Variants in CUL1 observed in about 807,000 individuals in gnomAD.
The protein encoded by CUL1 is cullin 1.
Under a neutral mutation model 118.0 loss-of-function variants are expected in CUL1, and 24 were observed. That is an observed-to-expected ratio of 0.20 (90% CI 0.15 to 0.29). The LOEUF (loss-of-function observed/expected upper bound fraction) is 0.29. Among genes scored for constraint, CUL1 ranks in the 10% least tolerant of loss-of-function variants. The pLI is 1.00. For missense variants in CUL1, 361 were observed against 933.8 expected, an observed-to-expected ratio of 0.39 and a Z score of 7.99; for synonymous variants, 332 against 340.4, an observed-to-expected ratio of 0.98 and a Z score of 0.27.
chr7:148,752,734 C>T (rs950522553), intron 2 of CUL1, among the ~76,000 whole-genome samples: 9 of 152,230 alleles, frequency 5.9e-5, no homozygotes, highest in Admixed American at 3.9e-4. Flanking sequence ...CTGCAAGCTC[C>T]GCCTCCCGGG....
intron 1 of CUL1, among the ~76,000 whole-genome samples, chr7:148,699,886 G>C (rs1379121666): frequency 6.6e-6 from 1 of 152,134 alleles, no homozygotes; most frequent in Non-Finnish European, 1.5e-5. Flanking sequence ...CTGGGACTTG[G>C]GGTCCCCAGA....
rs370740035 is a variant in CUL1, at chr7:148,759,409, G to A, written c.534+55G>A. The A allele has an allele frequency of 9.1e-4, 1,439 of 1,582,076 alleles. 2 individuals carry two copies. The highest frequency in any genetic ancestry group is 1.1e-3 in the Non-Finnish European group (1,324 of 1,152,198). ...CCTTTTAAAATCCCTTCGCAGTTTC[G>A]TTGCTTAGCTTTTGTCTCGTCACTC... is the stretch of plus-strand genomic sequence containing the variant. On this transcript the variant is annotated intron_variant, in intron 5 of 21. Transcript: ENST00000325222.
intron 9 of CUL1, among the ~76,000 whole-genome samples, chr7:148,782,821 C>T (rs537669844): frequency 6.3e-5 from 9 of 142,450 alleles, no homozygotes; most frequent in East Asian, 2.1e-4. Flanking sequence ...ATTAATGTAT[C>T]GTGATGTGGA....
intron 17 of CUL1, among the ~76,000 whole-genome samples, chr7:148,796,446 C>T (rs1383596101): frequency 2.0e-5 from 3 of 152,136 alleles, no homozygotes; most frequent in African/African-American, 4.8e-5. Context: ...GTTTGGTTTT[C>T]GTGTCTGGCT....
intron 1 of CUL1, among the ~76,000 whole-genome samples, chr7:148,702,512 A>G (rs1797751986): frequency 1.3e-5 from 2 of 152,262 alleles, no homozygotes; most frequent in Admixed American, 1.3e-4. Flanking sequence ...CTTAAAGAAC[A>G]TTAAGTATTG....
intron 9 of CUL1, among the ~76,000 whole-genome samples, chr7:148,773,975 T>C (rs1800311802): frequency 6.6e-6 from 1 of 152,202 alleles, no homozygotes; most frequent in Non-Finnish European, 1.5e-5. Flanking sequence ...CTTATCAGTA[T>C]ACTTACATCT....
intron 1 of CUL1, among the ~76,000 whole-genome samples, chr7:148,716,551 T>G (rs1467969817): frequency 6.6e-6 from 1 of 152,222 alleles, no homozygotes; most frequent in African/African-American, 2.4e-5. Flanking sequence ...ACTTCCACCC[T>G]TCTCCCACAC....
chr7:148,706,675 G>T (rs1355519204), intron 1 of CUL1, among the ~76,000 whole-genome samples: 1 of 151,554 alleles, frequency 6.6e-6, no homozygotes, highest in Non-Finnish European at 1.5e-5. Context: ...GTGTGTTGGG[G>T]GTGGGGGCGG....
At chr7:148,726,718 C>T (rs1798595798) in intron 1 of CUL1, among the ~76,000 whole-genome samples, 1 of 151,408 alleles carries the variant, frequency 6.6e-6, no homozygotes, top group Non-Finnish European at 1.5e-5. Flanking sequence ...AGGGTCAGAA[C>T]TATCATTAAG....
chr7:148,718,539 C>T (rs1798289971), intron 1 of CUL1, among the ~76,000 whole-genome samples: 1 of 144,656 alleles, frequency 6.9e-6, no homozygotes, highest in Non-Finnish European at 1.5e-5. Context: ...TTCATCCACG[C>T]TGCATCAGTA....
At chr7:148,771,656 C>T (rs1800217405) in intron 9 of CUL1, among the ~76,000 whole-genome samples, 2 of 152,172 alleles carry the variant, frequency 1.3e-5, no homozygotes, top group African/African-American at 2.4e-5. Context: ...TAGCCTATTG[C>T]ACTGGGGCAC....
intron 3 of CUL1, 119 bp downstream of exon 3, chr7:148,754,269 G>T: frequency 1.5e-6 from 1 of 651,044 alleles, no homozygotes. Flanking sequence ...ACTAACGTAG[G>T]TGACAGTGTT....
chr7:148,790,819 G>A (rs1254358950), intron 16 of CUL1, among the ~76,000 whole-genome samples: 1 of 152,150 alleles, frequency 6.6e-6, no homozygotes, highest in African/African-American at 2.4e-5. Flanking sequence ...CATTATATCA[G>A]CTCTCCACCT....
intron 7 of CUL1, among the ~76,000 whole-genome samples, chr7:148,761,050 G>A (rs1348334511): frequency 2.6e-5 from 4 of 152,216 alleles, no homozygotes; most frequent in East Asian, 1.9e-4. Context: ...ATAGGGTCTC[G>A]CTATTTTTGT....
intron 20 of CUL1, 112 bp downstream of exon 20, chr7:148,798,789 A>G: frequency 2.3e-6 from 2 of 858,076 alleles, no homozygotes; most frequent in Non-Finnish European, 4.0e-6. Context: ...TGCCAGATGA[A>G]TGGGTCTGTG....
chr7:148,699,181 A>C (rs1212119216), intron 1 of CUL1, among the ~76,000 whole-genome samples, 152 bp downstream of exon 1: 1 of 151,646 alleles, frequency 6.6e-6, no homozygotes, highest in Non-Finnish European at 1.5e-5. Flanking sequence ...GCGGCCGGGC[A>C]GAATGGCGGC....
rs577181952 is a variant in CUL1, at chr7:148,800,674, C to T, written c.*92C>T. On this transcript the variant is annotated 3_prime_UTR_variant, in exon 22 of 22. Transcript: ENST00000325222. The surrounding 1 kb of genome is among the most constrained non-coding windows in gnomAD (Gnocchi z 4.6). ...CTCAAGTTCATAGCAGCCAGCCTGC[C>T]GCCATTGGACCTCCCTTTTAAAAAC... The T allele has an allele frequency of 4.1e-5, 40 of 963,856 alleles. No individual in the cohort carries two copies. Among genetic ancestry groups the T allele is most frequent in the African/African-American group, 3.5e-4 (21 of 60,718 alleles). 59.7% of individuals were successfully genotyped at this position (963,856 alleles called of 1,614,324 possible). A position where few individuals can be genotyped will look rare whatever the true frequency, so the allele number is the denominator to read the frequency against.
intron 1 of CUL1, among the ~76,000 whole-genome samples, chr7:148,726,459 A>G (rs1798586186): frequency 6.6e-6 from 1 of 152,138 alleles, no homozygotes; most frequent in South Asian, 2.1e-4. Context: ...ATTAGGACTG[A>G]CTTATTAACT....
At chr7:148,749,415 C>CAAAAAAA (rs61460309) in intron 2 of CUL1, among the ~76,000 whole-genome samples, 15 of 56,382 alleles carry the variant, frequency 2.7e-4, no homozygotes, top group Non-Finnish European at 3.3e-4. Flanking sequence ...GACTCCATCT[C>CAAAAAAA]AAAAAAAAAA....
Sources: gnomAD v4.1 joint callset for allele counts (sites outside exome capture counted in the v4.1 genomes callset) on GRCh38, gnomAD v4.1.1 for gene constraint, Gnocchi (gnomAD v3.1) non-coding constraint, MANE v1.5 for transcripts, NCBI Gene and HGNC (gene_info 2026-07-23, HGNC 2026-07-21) for gene names.